Variants in MGAT4C observed in about 807,000 individuals in gnomAD.
MGAT4C encodes the protein MGAT4 family member C.
Under a neutral mutation model 40.1 loss-of-function variants are expected in MGAT4C, and 19 were observed. The ratio of observed to expected loss-of-function variants is 0.47; its 90% CI spans 0.33 to 0.70. MGAT4C has a LOEUF of 0.70. Ranked by LOEUF, MGAT4C falls within the 30% of genes least tolerant of loss-of-function variation. The probability of loss-of-function intolerance (pLI) is 0.02; values close to 1 mark genes in which losing one functional copy is unlikely to be tolerated. For missense variants in MGAT4C, 491 were observed against 563.2 expected, an observed-to-expected ratio of 0.87 and a Z score of 1.30; for synonymous variants, 181 against 187.1, an observed-to-expected ratio of 0.97 and a Z score of 0.27.
At chr12:86,178,109 TG>T (rs1417051320) in intron 1 of MGAT4C, among the ~76,000 whole-genome samples, 3 of 152,130 alleles carry the variant, frequency 2.0e-5, no homozygotes, top group Admixed American at 2.0e-4. Context: ...GCTAATTTTT[TG>T]TATTTTTGGT....
intron 1 of MGAT4C, among the ~76,000 whole-genome samples, chr12:86,780,188 T>C (rs1383388984): frequency 1.3e-5 from 2 of 152,192 alleles, no homozygotes. Context: ...GCATTAATTA[T>C]ATAATTTAAA....
intron 1 of MGAT4C, among the ~76,000 whole-genome samples, chr12:86,176,821 AT>A: frequency 6.8e-6 from 1 of 146,114 alleles, no homozygotes; most frequent in Middle Eastern, 3.4e-3. Context: ...TTGCTGTTTT[AT>A]TTTTCTTATC....
chr12:86,667,303 C>CA (rs1326361941), intron 2 of MGAT4C, among the ~76,000 whole-genome samples: 1 of 152,164 alleles, frequency 6.6e-6, no homozygotes. Flanking sequence ...CTAGCAGACA[C>CA]ATGCTAGATT....
At chr12:86,602,617 C>T (rs557071308) in intron 2 of MGAT4C, among the ~76,000 whole-genome samples, 2 of 152,236 alleles carry the variant, frequency 1.3e-5, no homozygotes, top group African/African-American at 2.4e-5. Flanking sequence ...AAAGCAATTT[C>T]CAACCCTAAA....
At chr12:86,695,834 G>GA (rs1461997616) in intron 2 of MGAT4C, among the ~76,000 whole-genome samples, 2 of 152,004 alleles carry the variant, frequency 1.3e-5, no homozygotes, top group African/African-American at 2.4e-5. Flanking sequence ...CAAAAAAATA[G>GA]AAAAAATGAA....
At chr12:86,488,252 CAA>C (rs760174330) in intron 2 of MGAT4C, among the ~76,000 whole-genome samples, 18 of 93,890 alleles carry the variant, frequency 1.9e-4, no homozygotes, top group South Asian at 3.2e-4. Flanking sequence ...TTGTTTTCTA[CAA>C]AAAAAAAAAA....
At chr12:86,368,687 TA>T (rs1955656527) in intron 3 of MGAT4C, among the ~76,000 whole-genome samples, 1 of 152,084 alleles carries the variant, frequency 6.6e-6, no homozygotes, top group South Asian at 2.1e-4. Flanking sequence ...ATTTGTAAAT[TA>T]AAAAATTCTT....
chr12:86,060,251 T>C (rs1039320095), intron 1 of MGAT4C, among the ~76,000 whole-genome samples: 7 of 152,216 alleles, frequency 4.6e-5, no homozygotes, highest in Non-Finnish European at 1.0e-4. Flanking sequence ...GAATTGTTTT[T>C]CAATTATAGA....
intron 3 of MGAT4C, among the ~76,000 whole-genome samples, chr12:86,348,529 A>C (rs908430844): frequency 6.6e-6 from 1 of 152,170 alleles, no homozygotes; most frequent in African/African-American, 2.4e-5. Context: ...ATGTATTTCA[A>C]AATAAATTGC....
chr12:86,801,782 C>A lies in MGAT4C; in HGVS notation c.-262+36884G>T, dbSNP rs551945492. ...CACAGGATCAATTTCTTAATACTTA[C>A]AAGTTATCCAGAAAAGCCAGAAATG... On this transcript the variant is annotated intron_variant, in intron 1 of 7. Coordinates refer to the MGAT4C transcript ENST00000548651. Among the ~76,000 whole-genome samples the A allele has an allele frequency of 2.6e-5, 4 of 151,976 alleles. No homozygotes were observed. The East Asian group carries it at 7.8e-4, about 30-fold the overall frequency.
chr12:86,352,477 T>C (rs1955184637), intron 3 of MGAT4C, among the ~76,000 whole-genome samples: 1 of 152,174 alleles, frequency 6.6e-6, no homozygotes, highest in South Asian at 2.1e-4. Context: ...CTTTTCACAA[T>C]GATAGCATAC....
intron 1 of MGAT4C, among the ~76,000 whole-genome samples, chr12:86,053,893 T>TAAAATTC (rs1893131034): frequency 6.6e-6 from 1 of 151,786 alleles, no homozygotes; most frequent in African/African-American, 2.4e-5. Flanking sequence ...TCATGATGAG[T>TAAAATTC]TATCACCTGA....
intron 1 of MGAT4C, among the ~76,000 whole-genome samples, chr12:86,122,504 T>TAG (rs1360189595): frequency 6.6e-6 from 1 of 152,184 alleles, no homozygotes; most frequent in Non-Finnish European, 1.5e-5. Context: ...CTTTTCATCT[T>TAG]ATCTAAGTTA....
chr12:86,430,680 G>A (rs2136268471), intron 3 of MGAT4C, among the ~76,000 whole-genome samples: 1 of 152,250 alleles, frequency 6.6e-6, no homozygotes, highest in East Asian at 1.9e-4. Context: ...CTGAAGTTGG[G>A]CAGGGCTGGA....
At chr12:86,100,990 C>T (rs181513114) in intron 1 of MGAT4C, among the ~76,000 whole-genome samples, 11 of 151,752 alleles carry the variant, frequency 7.2e-5, no homozygotes, top group Non-Finnish European at 1.0e-4. Flanking sequence ...ATTGATAAAG[C>T]GATAACTAAC....
At chr12:86,353,885 T>C (rs1322972236) in intron 3 of MGAT4C, among the ~76,000 whole-genome samples, 2 of 152,086 alleles carry the variant, frequency 1.3e-5, no homozygotes, top group African/African-American at 2.4e-5. Context: ...AGGCAAATAC[T>C]CTGGCCTCAT....
intron 4 of MGAT4C, among the ~76,000 whole-genome samples, chr12:86,275,556 G>T (rs1465933734): frequency 1.3e-5 from 2 of 152,154 alleles, no homozygotes; most frequent in African/African-American, 4.8e-5. Flanking sequence ...TTAAGTCAAA[G>T]CTCTTGAGAT....
At chr12:86,498,733 T>C (rs745623827) in intron 2 of MGAT4C, among the ~76,000 whole-genome samples, 1 of 151,990 alleles carries the variant, frequency 6.6e-6, no homozygotes, top group African/African-American at 2.4e-5. Context: ...TGATGCTAAT[T>C]ATCTCCACAT....
chr12:86,177,281 A>G (rs1022747155), intron 1 of MGAT4C, among the ~76,000 whole-genome samples: 1 of 152,188 alleles, frequency 6.6e-6, no homozygotes, highest in Non-Finnish European at 1.5e-5. Flanking sequence ...AGATATTCTG[A>G]TGGCATTACC....
Sources: allele counts gnomAD v4.1 joint callset (sites outside exome capture counted in the v4.1 genomes callset), GRCh38; gene constraint gnomAD v4.1.1; transcripts MANE v1.5; gene names NCBI Gene and HGNC (gene_info 2026-07-23, HGNC 2026-07-21).